ALCAM: variants seen among roughly 807,000 people sequenced by gnomAD.
The protein encoded by ALCAM is activated leukocyte cell adhesion molecule.
Under a neutral mutation model 70.9 loss-of-function variants are expected in ALCAM, and 30 were observed. The ratio of observed to expected loss-of-function variants is 0.42; its 90% CI spans 0.32 to 0.57. The LOEUF (loss-of-function observed/expected upper bound fraction) is 0.57. Among genes scored for constraint, ALCAM ranks in the 20% least tolerant of loss-of-function variants. The probability of loss-of-function intolerance (pLI) is 0.11; values close to 1 mark genes in which losing one functional copy is unlikely to be tolerated. For missense variants in ALCAM, 591 were observed against 695.1 expected (o/e 0.85, Z 1.68); for synonymous variants, 249 against 242.5 (o/e 1.03, Z -0.25).
chr3:105,542,882 T>A (rs1232540840), intron 8 of ALCAM, among the ~76,000 whole-genome samples: 1 of 151,742 alleles, frequency 6.6e-6, no homozygotes, highest in African/African-American at 2.4e-5. Flanking sequence ...TACTCCTTGC[T>A]TATGTTGCTT....
intron 1 of ALCAM, among the ~76,000 whole-genome samples, chr3:105,429,618 CT>C (rs1936877301): frequency 6.6e-6 from 1 of 151,932 alleles, no homozygotes; most frequent in Admixed American, 6.6e-5. Flanking sequence ...TACCTTTAAT[CT>C]TCTCCAGAGA....
At chr3:105,456,980 T>C (rs574841266) in intron 1 of ALCAM, among the ~76,000 whole-genome samples, 2 of 152,302 alleles carry the variant, frequency 1.3e-5, no homozygotes, top group African/African-American at 4.8e-5. Flanking sequence ...CTTAGTGACT[T>C]AGGAGTGATC....
chr3:105,463,131 G>T (rs1195651757), intron 1 of ALCAM, among the ~76,000 whole-genome samples: 2 of 151,292 alleles, frequency 1.3e-5, no homozygotes, highest in Non-Finnish European at 3.0e-5. Flanking sequence ...CTGCAATCAC[G>T]AAAAGGGATA....
chr3:105,461,180 G>A (rs994306053), intron 1 of ALCAM, among the ~76,000 whole-genome samples: 1 of 151,682 alleles, frequency 6.6e-6, no homozygotes, highest in Non-Finnish European at 1.5e-5. Flanking sequence ...TGGACAAAAG[G>A]GTCAGTAGCT....
At chr3:105,517,339 C>G (rs1451255494) in intron 1 of ALCAM, among the ~76,000 whole-genome samples, 1 of 152,074 alleles carries the variant, frequency 6.6e-6, no homozygotes, top group Non-Finnish European at 1.5e-5. Flanking sequence ...TCATTCTGCC[C>G]TAGGCCTTAT....
intron 1 of ALCAM, among the ~76,000 whole-genome samples, chr3:105,406,939 A>G (rs181536981): frequency 6.6e-6 from 1 of 152,276 alleles, no homozygotes; most frequent in East Asian, 1.9e-4. Flanking sequence ...TTACGCACAT[A>G]AACTAGAAAA....
intron 4 of ALCAM, among the ~76,000 whole-genome samples, 191 bp downstream of exon 4, chr3:105,532,257 A>C (rs1939858795): frequency 6.6e-6 from 1 of 152,142 alleles, no homozygotes; most frequent in East Asian, 1.9e-4. Flanking sequence ...CCATGAGGAC[A>C]TCAAGGAAGG....
intron 11 of ALCAM, among the ~76,000 whole-genome samples, chr3:105,549,618 T>A (rs533710490): frequency 3.3e-5 from 5 of 151,536 alleles, no homozygotes; most frequent in Admixed American, 6.6e-5. Flanking sequence ...AAATCATCCA[T>A]CCTCTGTATT....
chr3:105,571,857 C>A lies in ALCAM; in HGVS notation c.1670C>A (p.Ala557Glu). ...YWLYMKKSKT[A>E]SKHVNKDLGN... ...TTTATTTAATTCTCTTACAGGACTG[C>A]ATCAAAACATGTAAACAAGGACCTC... The change falls in exon 15 of 16, where the codon GCA (alanine) becomes GAA (glutamate). Residue 557 changes from alanine to glutamate, a missense_variant. This residue lies in a region of ALCAM where 164 missense variants were observed against 244.7 expected (regional missense o/e 0.67). Transcript: ENST00000306107. 1 of 1,608,034 alleles carries A rather than the reference C, an allele frequency of 6.2e-7. No individual in the cohort carries two copies. Among genetic ancestry groups the A allele is most frequent in the Non-Finnish European group, 8.5e-7 (1 of 1,175,210 alleles).
intron 14 of ALCAM, among the ~76,000 whole-genome samples, chr3:105,565,066 G>A (rs1223869903): frequency 2.0e-5 from 3 of 151,880 alleles, no homozygotes; most frequent in African/African-American, 4.8e-5. Context: ...TGGGATGATC[G>A]CTTGAGTCCA....
rs191813396 is a variant in ALCAM, at chr3:105,502,130, C to T, written c.74-17937C>T. 5.9e-5 allele frequency among the ~76,000 whole-genome samples: 9 copies of T among 152,270 alleles called. No individual in the cohort carries two copies. The East Asian group carries it at 1.7e-3, about 29-fold the overall frequency. The stretch of plus-strand genomic sequence containing the variant: ...ATTCCAACTGAAAATTAACTGTATG[C>T]TTTTTCTCATATTGGAGAATCTGAA... On this transcript the variant is annotated intron_variant, in intron 1 of 15. Coordinates refer to ENST00000306107, the MANE Select transcript of ALCAM (RefSeq NM_001627.4).
intron 1 of ALCAM, among the ~76,000 whole-genome samples, chr3:105,406,142 T>G (rs1936224364): frequency 6.6e-6 from 1 of 152,228 alleles, no homozygotes; most frequent in South Asian, 2.1e-4. Flanking sequence ...CTGAAGACCT[T>G]GCTCTGGAGC....
intron 1 of ALCAM, among the ~76,000 whole-genome samples, chr3:105,444,992 A>T (rs1194318428): frequency 1.3e-5 from 2 of 152,216 alleles, no homozygotes; most frequent in African/African-American, 4.8e-5. Context: ...GATGTATGAT[A>T]TATAAAACAA....
rs559182996 is a variant in ALCAM at position 105,520,148 on chromosome 3, T to G, written c.155T>G (p.Met52Arg). ...PCRLDVPQNL[M>R]FGKWKYEKPD... ...CGACTTGACGTACCTCAGAATCTCATGTTTGGCAAATGGAAATATGTAAGT... is the reference window on the plus strand; with the variant it reads ...CGACTTGACGTACCTCAGAATCTCAGGTTTGGCAAATGGAAATATGTAAGT... The change falls in exon 2 of 16, where the codon ATG becomes AGG. Residue 52 changes from methionine (M) to arginine (R), a missense_variant. Physicochemically the swap from Met to Arg is moderately conservative, Grantham distance 91. This residue lies in a region of ALCAM where 427 missense variants were observed against 450.4 expected (regional missense o/e 0.95). Coordinates refer to ENST00000306107, the MANE Select transcript of ALCAM (RefSeq NM_001627.4). 6.2e-7 allele frequency: 1 copy of G among 1,612,020 alleles called. No homozygotes were observed. The highest frequency in any genetic ancestry group is 1.7e-5 in the Admixed American group (1 of 60,018).
chr3:105,505,445 C>T (rs1323131311), intron 1 of ALCAM, among the ~76,000 whole-genome samples: 1 of 152,132 alleles, frequency 6.6e-6, no homozygotes, highest in African/African-American at 2.4e-5. Context: ...GGGAAATCCA[C>T]GCCCATAATC....
chr3:105,409,582 A>C (rs1461270724), intron 1 of ALCAM, among the ~76,000 whole-genome samples: 1 of 152,078 alleles, frequency 6.6e-6, no homozygotes, highest in Non-Finnish European at 1.5e-5. Flanking sequence ...GCAAGGGATA[A>C]AGGATGACAC....
chr3:105,422,762 A>G (rs979764397), intron 1 of ALCAM, among the ~76,000 whole-genome samples: 3 of 151,592 alleles, frequency 2.0e-5, no homozygotes, highest in Admixed American at 1.3e-4. Context: ...AGATGAACTT[A>G]TTCTCCAACC....
intron 1 of ALCAM, among the ~76,000 whole-genome samples, chr3:105,374,157 C>A (rs1184062219): frequency 6.6e-6 from 1 of 152,170 alleles, no homozygotes; most frequent in Non-Finnish European, 1.5e-5. Context: ...CAAACACTTT[C>A]TTTTATGGTG....
chr3:105,376,943 G>A (rs1250255303), intron 1 of ALCAM, among the ~76,000 whole-genome samples: 3 of 152,136 alleles, frequency 2.0e-5, no homozygotes, highest in Admixed American at 2.0e-4. Flanking sequence ...CCTTGAAGTT[G>A]TTCAAATACT....
Sources: gnomAD v4.1 joint callset for allele counts (sites outside exome capture counted in the v4.1 genomes callset) on GRCh38, gnomAD v4.1.1 for gene constraint, gnomAD v4.1.1 regional missense constraint, MANE v1.5 for transcripts, NCBI Gene and HGNC (gene_info 2026-07-23, HGNC 2026-07-21) for gene names.